The following CUBN variants were observed in gnomAD, a reference collection of about 807,000 sequenced individuals.
CUBN encodes the protein 460 kDa receptor.
Under a neutral mutation model 405.3 loss-of-function variants are expected in CUBN, and 282 were observed. That is an observed-to-expected ratio of 0.70 (90% CI 0.63 to 0.77). The LOEUF (loss-of-function observed/expected upper bound fraction) is 0.77. Among genes scored for constraint, CUBN ranks in the 30% least tolerant of loss-of-function variants. CUBN has a pLI of 0.00. For synonymous variants in CUBN, 1,684 were observed against 1,617.0 expected, an observed-to-expected ratio of 1.04 and a Z score of -0.99; for missense variants, 4,514 against 4,475.2, an observed-to-expected ratio of 1.01 and a Z score of -0.25.
chr10:16,981,599 A>G (rs892005786), intron 31 of CUBN, among the ~76,000 whole-genome samples: 7 of 152,126 alleles, frequency 4.6e-5, no homozygotes, highest in African/African-American at 1.7e-4. Flanking sequence ...GAGATGGCAG[A>G]GCTAAAAGAG....
At chr10:17,106,868 A>C (rs2131303946) in intron 10 of CUBN, among the ~76,000 whole-genome samples, 1 of 152,342 alleles carries the variant, frequency 6.6e-6, no homozygotes, top group South Asian at 2.1e-4. Context: ...TAGCTATCAC[A>C]GAATGAACTT....
At chr10:16,868,529 G>C (rs773035269) in intron 59 of CUBN, among the ~76,000 whole-genome samples, 5 of 152,170 alleles carry the variant, frequency 3.3e-5, no homozygotes, top group Non-Finnish European at 7.4e-5. Context: ...AAAGGAAAAG[G>C]ATCAAAACAC....
intron 28 of CUBN, among the ~76,000 whole-genome samples, chr10:16,997,565 A>T (rs907986856): frequency 6.6e-6 from 1 of 152,208 alleles, no homozygotes; most frequent in African/African-American, 2.4e-5. Flanking sequence ...GGAAGGCCCA[A>T]CCCAAGGCAA....
chr10:16,974,426 ACT>A (rs934265320), intron 31 of CUBN, among the ~76,000 whole-genome samples: 7 of 144,982 alleles, frequency 4.8e-5, no homozygotes, highest in African/African-American at 1.8e-4. Flanking sequence ...ACTACAATTA[ACT>A]CTTTTTTTTT....
Position 16,836,285 on chromosome 10 carries a change from G to C in CUBN, c.10130C>G (p.Ser3377Cys). 6.2e-7 allele frequency: 1 copy of C among 1,613,836 alleles called. No individual in the cohort carries two copies. The highest frequency in any genetic ancestry group is 8.5e-7 in the Non-Finnish European group (1 of 1,179,716). Residue 3377 changes from serine to cysteine, a missense_variant, in exon 63 of 67, where the codon TCT becomes TGT. Ser to Cys is a moderately radical substitution (Grantham distance 112). Around this residue, in one of 5 missense-constraint regions of CUBN, gnomAD observed 1,186 missense variants for 1,186.9 expected, o/e 1.00. Transcript: ENST00000377833. ...TCTAGAGTTTCTGTTTACAACTCCA[G>C]ATTTGAAAATGACCATTGCAGTACT... Reference protein sequence around the residue: ...SMSTAMVIFKSGVVNRNSRMS... With the variant: ...SMSTAMVIFKCGVVNRNSRMS...
chr10:16,926,809 TTCTATCTA>T (rs72523233), intron 41 of CUBN, among the ~76,000 whole-genome samples: 32 of 41,702 alleles, frequency 7.7e-4, no homozygotes, highest in Admixed American at 3.4e-3. Flanking sequence ...AAATTTTTTT[TTCTATCTA>T]TCTATCTATC....
intron 26 of CUBN, among the ~76,000 whole-genome samples, chr10:17,043,288 A>G (rs922325455): frequency 2.0e-5 from 3 of 152,168 alleles, no homozygotes; most frequent in African/African-American, 7.2e-5. Context: ...GCATCTGTAC[A>G]ATGGCCAGAT....
chr10:16,915,743 G>T, intron 46 of CUBN, 78 bp downstream of exon 46: 1 of 1,247,168 alleles, frequency 8.0e-7, no homozygotes, highest in Non-Finnish European at 1.2e-6. Context: ...GCCTTTCTTG[G>T]AAGTGAAGAA....
chr10:17,108,493 G>A (rs1257988583), intron 10 of CUBN, among the ~76,000 whole-genome samples: 1 of 151,954 alleles, frequency 6.6e-6, no homozygotes, highest in Non-Finnish European at 1.5e-5. Context: ...GAAATAGCAA[G>A]AGACATGATT....
intron 6 of CUBN, among the ~76,000 whole-genome samples, chr10:17,116,672 A>G (rs1005750013): frequency 2.6e-4 from 39 of 152,368 alleles, no homozygotes; most frequent in African/African-American, 8.7e-4. Context: ...TATGAACGAC[A>G]TTGTGGGAAA....
chr10:16,902,896 T>C (rs994973862), intron 51 of CUBN, among the ~76,000 whole-genome samples: 16 of 152,068 alleles, frequency 1.1e-4, no homozygotes, highest in African/African-American at 3.6e-4. Flanking sequence ...AGGACTGGAA[T>C]TGAGACTTTT....
chr10:16,925,348 G>A lies in CUBN; in HGVS notation c.6539C>T (p.Ala2180Val), dbSNP rs1454690625. 6.2e-7 allele frequency: 1 copy of A among 1,613,880 alleles called. No homozygotes were observed. Among genetic ancestry groups the A allele is most frequent in the Non-Finnish European group, 8.5e-7 (1 of 1,179,838 alleles). Reference sequence around the variant, plus strand: ...ATCCGAGGTGAACAGAGTTGATGAAGCATGACTGCCACAAAAATGACCATT... The same window carrying A: ...ATCCGAGGTGAACAGAGTTGATGAAACATGACTGCCACAAAAATGACCATT... ...GGNGHFCGSH[A>V]SSTLFTSDNQ... Residue 2180 changes from alanine (A) to valine (V), a missense_variant, in exon 43 of 67, where the codon GCT becomes GTT. Ala to Val is a moderately conservative substitution (Grantham distance 64, BLOSUM62 0). Transcript: ENST00000377833.
chr10:16,906,366 A>G lies in CUBN; in HGVS notation c.7749T>C (p.Thr2583=). The change falls in exon 50 of 67, where the codon ACT becomes ACC. Residue 2583 remains threonine (T), a synonymous_variant. Transcript: ENST00000377833. ...TCCTGACTCCGTCATAGCCAGGAGA[A>G]GTAAAGTTTCCTTCAGGAGTATTTG... ...SLPNTPEGNF[T]SPGYDGVRNY... is the part of the protein sequence containing the mutation. 6.2e-7 allele frequency: 1 copy of G among 1,614,094 alleles called. No homozygotes were observed. The highest frequency in any genetic ancestry group is 8.5e-7 in the Non-Finnish European group (1 of 1,179,948).
rs557208468 is a variant in CUBN, at chr10:16,915,053, G to A, written c.7330C>T (p.Arg2444Ter). 14 of 1,613,902 alleles carry A rather than the reference G, an allele frequency of 8.7e-6. No homozygotes were observed. The highest frequency in any genetic ancestry group is 5.5e-5 in the South Asian group (5 of 91,064). ...GSVTASGFRL[R>*]FESSMEECGG... is the part of the protein sequence containing the mutation. ...TCACCTTCCATACTGGATTCAAATC[G>A]CAGTCTGAATCCTGAGGCAGTCACA... The change falls in exon 47 of 67, where the codon CGA becomes TGA. Residue 2444 changes from arginine (R) to a stop codon, truncating the protein, a stop_gained. Transcript: ENST00000377833. LOFTEE classifies it high-confidence loss of function.
At chr10:17,029,955 C>T (rs897345825) in intron 27 of CUBN, among the ~76,000 whole-genome samples, 11 of 152,178 alleles carry the variant, frequency 7.2e-5, no homozygotes, top group African/African-American at 2.7e-4. Flanking sequence ...ATTTATTTAC[C>T]ACAAAATGCT....
intron 28 of CUBN, among the ~76,000 whole-genome samples, chr10:16,992,640 G>A (rs1833626814): frequency 1.3e-5 from 2 of 152,132 alleles, no homozygotes; most frequent in African/African-American, 4.8e-5. Context: ...AGAATTCTAA[G>A]AATCTTGATT....
chr10:16,832,025 C>T (rs1316440624), intron 64 of CUBN, among the ~76,000 whole-genome samples: 2 of 152,254 alleles, frequency 1.3e-5, no homozygotes, highest in East Asian at 1.9e-4. Context: ...AAACACATTC[C>T]GAGGCCTTGT....
chr10:17,083,187 G>A (rs985081496), intron 17 of CUBN, among the ~76,000 whole-genome samples: 18 of 152,106 alleles, frequency 1.2e-4, no homozygotes, highest in Non-Finnish European at 2.4e-4. Flanking sequence ...ATTCTGAAAT[G>A]ATCTTAAATA....
rs747745840 is a variant in CUBN, at chr10:16,940,090, G to A, written c.5490C>T (p.Val1830=). The change falls in exon 37 of 67, where the codon GTC becomes GTT. Residue 1830 remains valine (V), a synonymous_variant. Transcript: ENST00000377833. ...YSSIVGHTLW[V]RFISDGSGSG... ...TGCCAGAACCATCTGAGATAAATCT[G>A]ACCCACAGGGTATGTCCAACGATGG... 3.1e-6 allele frequency: 5 copies of A among 1,614,104 alleles called. No homozygotes were observed. Among genetic ancestry groups the A allele is most frequent in the Non-Finnish European group, 4.2e-6 (5 of 1,179,974 alleles).
Sources: gnomAD v4.1 joint callset for allele counts (sites outside exome capture counted in the v4.1 genomes callset) on GRCh38, gnomAD v4.1.1 for gene constraint, gnomAD v4.1.1 regional missense constraint, MANE v1.5 for transcripts, NCBI Gene and HGNC (gene_info 2026-07-23, HGNC 2026-07-21) for gene names.